The following RAPGEF2 variants were observed in gnomAD, a reference collection of about 807,000 sequenced individuals.
RAPGEF2 encodes Rap guanine nucleotide exchange factor 2, also known as PDZ domain containing guanine nucleotide exchange factor (GEF) 1.
A neutral mutation model predicts 186.7 loss-of-function variants in RAPGEF2; 54 were observed. That is an observed-to-expected ratio of 0.29 (90% CI 0.23 to 0.36). The LOEUF is 0.36. Among genes scored for constraint, RAPGEF2 ranks in the 10% least tolerant of loss-of-function variants. The pLI is 1.00. For synonymous variants in RAPGEF2, 712 were observed against 705.9 expected (o/e 1.01, Z -0.14); for missense variants, 1,532 against 2,045.0 (o/e 0.75, Z 4.84).
At chr4:159,263,217 T>C (rs1020376017) in intron 7 of RAPGEF2, among the ~76,000 whole-genome samples, 3 of 152,154 alleles carry the variant, frequency 2.0e-5, no homozygotes, top group African/African-American at 7.2e-5. Context: ...AAATATAAAG[T>C]TTATCAGATA....
At chr4:159,148,800 A>C (rs1743213231) in intron 1 of RAPGEF2, among the ~76,000 whole-genome samples, 1 of 152,236 alleles carries the variant, frequency 6.6e-6, no homozygotes, top group African/African-American at 2.4e-5. Context: ...AGAAGAAACA[A>C]AACTAAACCT....
Position 159,198,271 on chromosome 4 carries a change from C to CTTCT in RAPGEF2, c.197+5078_197+5081dup, listed in dbSNP as rs201152378. On this transcript the variant is annotated intron_variant, in intron 3 of 29. Coordinates refer to ENST00000691494, the MANE Select transcript of RAPGEF2 (RefSeq NM_001394067.2). ...TCCTTTCTTTCTTTCTCTTTCTTTC[C>CTTCT]TTCTTTCTTTCTTTCTTTCTTTCTT... Among the ~76,000 whole-genome samples the CTTCT allele has an allele frequency of 4.7e-3, 486 of 104,504 alleles. 3 individuals carry two copies. The highest frequency in any genetic ancestry group is 5.2e-3 in the Non-Finnish European group (284 of 54,532). The allele number at this position is 104,504 out of a possible 152,430, so 68.6% of individuals were successfully genotyped here. A position where few individuals can be genotyped will look rare whatever the true frequency, so the allele number is the denominator to read the frequency against.
chr4:159,285,287 T>C (rs1044941032), intron 7 of RAPGEF2, among the ~76,000 whole-genome samples: 4 of 152,194 alleles, frequency 2.6e-5, no homozygotes, highest in African/African-American at 7.2e-5. Context: ...TATCAAAGTT[T>C]ATGTCTGATT....
chr4:159,141,127 CAA>C (rs1266616769), intron 1 of RAPGEF2, among the ~76,000 whole-genome samples: 2 of 152,154 alleles, frequency 1.3e-5, no homozygotes, highest in Non-Finnish European at 2.9e-5. Context: ...ATAAAAAATA[CAA>C]ACGCTTTGCA....
intron 1 of RAPGEF2, among the ~76,000 whole-genome samples, chr4:159,139,787 C>T (rs1216099092): frequency 6.6e-6 from 1 of 152,152 alleles, no homozygotes; most frequent in African/African-American, 2.4e-5. Flanking sequence ...GCATAAACAA[C>T]TTTTGCATCC....
chr4:159,161,790 C>T (rs1285898204), intron 1 of RAPGEF2, among the ~76,000 whole-genome samples: 3 of 152,194 alleles, frequency 2.0e-5, no homozygotes, highest in African/African-American at 7.2e-5. Flanking sequence ...TGCTTATCTT[C>T]ATACATATTA....
Position 159,339,245 on chromosome 4 carries a change from G to C in RAPGEF2, c.2425G>C (p.Asp809His). ...IREFAVTATP[D>H]QYSLCEVSVT... ...GGAGTTTGCTGTTACTGCCACCCCG[G>C]ATCAATATTCACTATGTGAGGTCTC... Residue 809 changes from aspartate to histidine, a missense_variant, in exon 19 of 30, where the codon GAT becomes CAT. Coordinates refer to ENST00000691494, the MANE Select transcript of RAPGEF2 (RefSeq NM_001394067.2). 6.2e-7 allele frequency: 1 copy of C among 1,614,062 alleles called. No individual in the cohort carries two copies. Among genetic ancestry groups the C allele is most frequent in the Non-Finnish European group, 8.5e-7 (1 of 1,179,992 alleles).
At chr4:159,136,412 A>G (rs1171574857) in intron 1 of RAPGEF2, among the ~76,000 whole-genome samples, 1 of 152,206 alleles carries the variant, frequency 6.6e-6, no homozygotes, top group African/African-American at 2.4e-5. Flanking sequence ...GAGGGTGAAC[A>G]GTGGGTGTTG....
chr4:159,255,497 A>G (rs571276852), intron 7 of RAPGEF2, among the ~76,000 whole-genome samples: 1 of 152,236 alleles, frequency 6.6e-6, no homozygotes, highest in African/African-American at 2.4e-5. Flanking sequence ...CTGACATTCA[A>G]AATTCTTTCG....
intron 29 of RAPGEF2, among the ~76,000 whole-genome samples, chr4:159,357,002 G>C (rs1732124870): frequency 6.6e-6 from 1 of 152,144 alleles, no homozygotes; most frequent in Non-Finnish European, 1.5e-5. Context: ...AGTTTTCTGT[G>C]GAAACATTAT....
chr4:159,106,893 TA>T (rs1289705723), intron 1 of RAPGEF2, among the ~76,000 whole-genome samples: 2 of 152,198 alleles, frequency 1.3e-5, no homozygotes, highest in Non-Finnish European at 2.9e-5. Context: ...GGAACTTTCA[TA>T]AATTGGGAGC....
chr4:159,248,036 A>G lies in RAPGEF2; in HGVS notation c.543+4245A>G, dbSNP rs576069867. Among the ~76,000 whole-genome samples, 38 of 152,294 alleles carry G rather than the reference A, an allele frequency of 2.5e-4. No homozygotes were observed. In the South Asian group the frequency reaches 6.4e-3, roughly 26 times the overall value. ...CTTGGCCTCCTAAAGTGCTGGGATTACAGGCGTGAGCCACTGCGCCCGGCC... is the reference window on the plus strand; with the variant it reads ...CTTGGCCTCCTAAAGTGCTGGGATTGCAGGCGTGAGCCACTGCGCCCGGCC... On this transcript the variant is annotated intron_variant, in intron 7 of 29. Transcript: ENST00000691494.
intron 7 of RAPGEF2, among the ~76,000 whole-genome samples, chr4:159,253,049 C>T (rs1387819955): frequency 1.3e-5 from 2 of 152,196 alleles, no homozygotes; most frequent in South Asian, 2.1e-4. Context: ...GTTCTCACAT[C>T]TGTATTCAAT....
chr4:159,170,350 A>T (rs1302082806), intron 1 of RAPGEF2, among the ~76,000 whole-genome samples: 1 of 152,108 alleles, frequency 6.6e-6, no homozygotes, highest in African/African-American at 2.4e-5. Context: ...CCCTCCATAC[A>T]CTCAGGTTGC....
intron 7 of RAPGEF2, chr4:159,267,405 C>G: frequency 9.4e-7 from 1 of 1,062,582 alleles, no homozygotes; most frequent in South Asian, 1.3e-5. Flanking sequence ...GTTAGTGGCT[C>G]TCTTGCTAGC....
chr4:159,346,897 A>G lies in RAPGEF2; in HGVS notation c.3611A>G (p.Gln1204Arg), dbSNP rs1172174141. The change falls in exon 25 of 30, where the codon CAG (glutamine) becomes CGG (arginine). Residue 1204 changes from glutamine to arginine, a missense_variant. By Grantham distance (43) the Gln-to-Arg change is conservative. Around this residue, in one of 4 missense-constraint regions of RAPGEF2, gnomAD observed 594 missense variants for 608.5 expected, o/e 0.98. Coordinates refer to ENST00000691494, the MANE Select transcript of RAPGEF2 (RefSeq NM_001394067.2). ...CAGTCCCTGCCACAGCCCCAGCAGC[A>G]GCCACCACCAGCACATAAAATCAAC... ...KAQSLPQPQQQPPPAHKINQG... is the reference protein window; with the variant it reads ...KAQSLPQPQQRPPPAHKINQG... 1 of 1,614,212 alleles carries G rather than the reference A, an allele frequency of 6.2e-7. No homozygotes were observed. The highest frequency in any genetic ancestry group is 1.1e-5 in the South Asian group (1 of 91,082).
intron 1 of RAPGEF2, among the ~76,000 whole-genome samples, chr4:159,125,748 A>G (rs1245388183): frequency 7.0e-6 from 1 of 142,534 alleles, no homozygotes; most frequent in Non-Finnish European, 1.5e-5. Context: ...ACAGAGTGAG[A>G]ATCTGTCTCG....
At chr4:159,330,636 CAAAA>C in intron 13 of RAPGEF2, 138 bp downstream of exon 13, 1 of 571,100 alleles carries the variant, frequency 1.8e-6, no homozygotes, top group Admixed American at 4.2e-5. Context: ...CAAAAAAAAA[CAAAA>C]AAACAAAAAA....
intron 4 of RAPGEF2, among the ~76,000 whole-genome samples, chr4:159,217,643 A>T (rs1751111396): frequency 6.6e-6 from 1 of 152,174 alleles, no homozygotes; most frequent in South Asian, 2.1e-4. Flanking sequence ...TTTTTGGTAG[A>T]ATGATTTCTT....
Sources: gnomAD v4.1 joint callset for allele counts (sites outside exome capture counted in the v4.1 genomes callset) on GRCh38, gnomAD v4.1.1 for gene constraint, gnomAD v4.1.1 regional missense constraint, MANE v1.5 for transcripts, NCBI Gene and HGNC (gene_info 2026-07-23, HGNC 2026-07-21) for gene names.